FER: variants seen among roughly 807,000 people sequenced by gnomAD.
FER encodes the protein FER tyrosine kinase.
A neutral mutation model predicts 111.0 loss-of-function variants in FER; 63 were observed. That is an observed-to-expected ratio of 0.57 (90% confidence interval 0.46 to 0.70). The LOEUF is 0.70. FER is among the 30% of genes least tolerant of loss of function. The probability of loss-of-function intolerance (pLI) is 0.00; values close to 1 mark genes in which losing one functional copy is unlikely to be tolerated. For synonymous variants in FER, 327 were observed against 313.9 expected, an observed-to-expected ratio of 1.04 and a Z score of -0.44; for missense variants, 914 against 954.0, an observed-to-expected ratio of 0.96 and a Z score of 0.55.
intron 13 of FER, among the ~76,000 whole-genome samples, chr5:108,981,267 T>C (rs1761990128): frequency 6.6e-6 from 1 of 152,082 alleles, no homozygotes; most frequent in Non-Finnish European, 1.5e-5. Context: ...GGGTCATTGA[T>C]TTATATATCT....
At chr5:109,111,603 A>C (rs566676743) in intron 17 of FER, among the ~76,000 whole-genome samples, 1 of 152,280 alleles carries the variant, frequency 6.6e-6, no homozygotes, top group African/African-American at 2.4e-5. Context: ...TAATTTATGA[A>C]GAAGAGAGGT....
At chr5:108,862,808 C>G (rs1034680169) in intron 5 of FER, among the ~76,000 whole-genome samples, 2 of 151,398 alleles carry the variant, frequency 1.3e-5, no homozygotes, top group African/African-American at 4.9e-5. Flanking sequence ...AAGTAGTTAA[C>G]AGAAACTTAA....
intron 13 of FER, among the ~76,000 whole-genome samples, chr5:108,979,532 A>G (rs1357380857): frequency 1.3e-5 from 2 of 152,166 alleles, no homozygotes; most frequent in Non-Finnish European, 2.9e-5. Flanking sequence ...CATTACTTTA[A>G]GTATAGAGAA....
intron 10 of FER, among the ~76,000 whole-genome samples, chr5:108,921,058 CT>C (rs1242454584): frequency 1.3e-5 from 2 of 152,078 alleles, no homozygotes. Context: ...CAACTGCCTT[CT>C]TTTGATAATT....
intron 2 of FER, among the ~76,000 whole-genome samples, chr5:108,793,362 C>G (rs190427395): frequency 6.6e-6 from 1 of 152,242 alleles, no homozygotes; most frequent in East Asian, 1.9e-4. Flanking sequence ...CTGAATAGTA[C>G]TCCATTGCGT....
chr5:108,994,875 G>A (rs1439684485), intron 13 of FER, among the ~76,000 whole-genome samples: 1 of 152,124 alleles, frequency 6.6e-6, no homozygotes, highest in Non-Finnish European at 1.5e-5. Flanking sequence ...TGTAGCAATT[G>A]TGAATGGGAC....
In FER at chr5:109,187,467, G is replaced by A. The variant is rs1173244698; in HGVS notation, c.2361G>A (p.Glu787=). ...TGTCAGCTCCCCAGCACTGTCCAGA[G>A]GATATTTCCAAAATCATGATGAAGT... ...YRMSAPQHCP[E]DISKIMMKCW... is the part of the protein sequence containing the mutation. Residue 787 remains glutamate (E), a synonymous_variant, in exon 20 of 20, where the codon GAG becomes GAA. Coordinates refer to ENST00000281092, the MANE Select transcript of FER (RefSeq NM_005246.4). The A allele has an allele frequency of 6.2e-7, 1 of 1,614,090 alleles. No individual in the cohort carries two copies. The highest frequency in any genetic ancestry group is 8.5e-7 in the Non-Finnish European group (1 of 1,179,994).
intron 12 of FER, among the ~76,000 whole-genome samples, chr5:108,956,236 C>T (rs1758410986): frequency 6.6e-6 from 1 of 151,586 alleles, no homozygotes; most frequent in Admixed American, 6.6e-5. Context: ...AGATAACCTA[C>T]CCTATTACAA....
chr5:109,011,558 C>A (rs1766271076), intron 13 of FER, among the ~76,000 whole-genome samples: 1 of 152,166 alleles, frequency 6.6e-6, no homozygotes, highest in Admixed American at 6.5e-5. Context: ...GAGCTAGCCT[C>A]TTTGAGTTTT....
At chr5:108,748,350 G>A (rs897360222) in intron 1 of FER, 1 of 152,250 alleles carries the variant, frequency 6.6e-6, no homozygotes, top group Non-Finnish European at 1.5e-5. Flanking sequence ...AGCGCCCTCC[G>A]GGCACACTTA....
intron 17 of FER, among the ~76,000 whole-genome samples, chr5:109,170,151 T>G (rs1756957630): frequency 6.6e-6 from 1 of 152,158 alleles, no homozygotes; most frequent in African/African-American, 2.4e-5. Context: ...TTCATGAAAT[T>G]ATAAACCATA....
At chr5:108,871,039 C>T (rs1031205498) in intron 6 of FER, among the ~76,000 whole-genome samples, 1 of 151,934 alleles carries the variant, frequency 6.6e-6, no homozygotes, top group African/African-American at 2.4e-5. Flanking sequence ...GTTATTCAAC[C>T]CAAAATTTAT....
At chr5:109,108,621 T>C (rs755166127) in intron 17 of FER, among the ~76,000 whole-genome samples, 1 of 152,154 alleles carries the variant, frequency 6.6e-6, no homozygotes, top group Non-Finnish European at 1.5e-5. Context: ...TACAGTGGAA[T>C]TGGGTTCATG....
chr5:108,841,666 A>G (rs556158778), intron 5 of FER, among the ~76,000 whole-genome samples: 4 of 152,162 alleles, frequency 2.6e-5, no homozygotes, highest in African/African-American at 4.8e-5. Context: ...AAAAACATGA[A>G]TAGTGAAGGT....
At chr5:109,172,231 A>T (rs1303062522) in intron 17 of FER, among the ~76,000 whole-genome samples, 1 of 151,852 alleles carries the variant, frequency 6.6e-6, no homozygotes, top group Non-Finnish European at 1.5e-5. Flanking sequence ...CTTGGAACCA[A>T]CCCAAATGTC....
intron 3 of FER, among the ~76,000 whole-genome samples, chr5:108,814,802 A>G (rs542708856): frequency 6.6e-6 from 1 of 152,234 alleles, no homozygotes; most frequent in Admixed American, 6.5e-5. Flanking sequence ...TCTGTTATTT[A>G]TAGTTATTTT....
At position 109,133,903 on chromosome 5, in the gene FER, A is replaced by C. The variant is rs186713900; in HGVS notation, c.2048+33384A>C. On this transcript the variant is annotated intron_variant, in intron 17 of 19. Coordinates refer to ENST00000281092, the MANE Select transcript of FER (RefSeq NM_005246.4). ...CCAAAATTTGTTCTTAAAGACTAGC[A>C]TTTTAATCACAGATGTTATTTTTTA... Among the ~76,000 whole-genome samples the C allele has an allele frequency of 1.1e-4, 17 of 152,236 alleles. No individual in the cohort carries two copies. The East Asian group carries it at 3.3e-3, about 29-fold the overall frequency.
At chr5:108,868,388 G>T (rs1428107792) in intron 6 of FER, among the ~76,000 whole-genome samples, 3 of 151,936 alleles carry the variant, frequency 2.0e-5, no homozygotes, top group Non-Finnish European at 4.4e-5. Flanking sequence ...TTTTACGTAT[G>T]CAAAGCACAT....
chr5:109,044,702 A>G lies in FER; in HGVS notation c.1736A>G (p.Lys579Arg). 1 of 1,579,626 alleles carries G rather than the reference A, an allele frequency of 6.3e-7. No homozygotes were observed. Among genetic ancestry groups the G allele is most frequent in the Non-Finnish European group, 8.6e-7 (1 of 1,163,680 alleles). The change falls in exon 15 of 20, where the codon AAG (lysine) becomes AGG (arginine). Residue 579 changes from lysine to arginine, a missense_variant. Transcript: ENST00000281092. ...CAGGGAAATTTTGGTGAAGTATATA[A>G]GGGCACATTAAAGGATAAAACTTCT... ...LGKGNFGEVY[K>R]GTLKDKTSVA...
Sources: gnomAD v4.1 joint callset for allele counts (sites outside exome capture counted in the v4.1 genomes callset) on GRCh38, gnomAD v4.1.1 for gene constraint, MANE v1.5 for transcripts, NCBI Gene and HGNC (gene_info 2026-07-23, HGNC 2026-07-21) for gene names.